UBE2E2: variants seen among roughly 807,000 people sequenced by gnomAD.
The protein encoded by UBE2E2 is ubiquitin conjugating enzyme E2 E2, also known as ubiquitin-conjugating enzyme E2 E2.
UBE2E2 carries 6 observed loss-of-function variants against 24.7 expected under a neutral mutation model. The ratio of observed to expected loss-of-function variants is 0.24; its 90% CI spans 0.13 to 0.48. The LOEUF (loss-of-function observed/expected upper bound fraction) is 0.48. UBE2E2 is among the 20% of genes least tolerant of loss of function. UBE2E2 has a pLI of 0.99. For missense variants in UBE2E2, 169 were observed against 245.0 expected, an observed-to-expected ratio of 0.69 and a Z score of 2.07; for synonymous variants, 104 against 83.6, an observed-to-expected ratio of 1.24 and a Z score of -1.33.
At chr3:23,287,294 C>A (rs886249215) in intron 3 of UBE2E2, among the ~76,000 whole-genome samples, 1 of 152,074 alleles carries the variant, frequency 6.6e-6, no homozygotes, top group African/African-American at 2.4e-5. Context: ...ATAAAATGAT[C>A]TTTTAAAATG....
At chr3:23,401,688 A>G (rs917200110) in intron 3 of UBE2E2, among the ~76,000 whole-genome samples, 2 of 151,810 alleles carry the variant, frequency 1.3e-5, no homozygotes, top group Non-Finnish European at 2.9e-5. Context: ...ATATGTATAA[A>G]TATATATTTT....
At chr3:23,484,892 G>A (rs1281435812) in intron 3 of UBE2E2, among the ~76,000 whole-genome samples, 1 of 152,088 alleles carries the variant, frequency 6.6e-6, no homozygotes, top group Non-Finnish European at 1.5e-5. Flanking sequence ...ACCTTCCACT[G>A]GGTCCCTCCA....
chr3:23,502,047 T>G (rs1163172141), intron 4 of UBE2E2, among the ~76,000 whole-genome samples: 4 of 152,182 alleles, frequency 2.6e-5, no homozygotes, highest in Non-Finnish European at 4.4e-5. Context: ...TAGATAGATG[T>G]GTTACTCGAG....
chr3:23,203,676 C>T (rs1052865539), intron 1 of UBE2E2, among the ~76,000 whole-genome samples: 5 of 135,306 alleles, frequency 3.7e-5, no homozygotes, highest in Non-Finnish European at 6.4e-5. Context: ...TCTACCCCTC[C>T]CCCTTCTTCC....
chr3:23,204,640 T>TA, intron 1 of UBE2E2: 1 of 959,818 alleles, frequency 1.0e-6, no homozygotes, highest in Non-Finnish European at 1.2e-6. Flanking sequence ...GACGCTGAAA[T>TA]AGAGTGTTTT....
intron 3 of UBE2E2, among the ~76,000 whole-genome samples, chr3:23,458,391 CTGGTGG>C (rs781216109): frequency 0.037 from 4,515 of 122,474 alleles, 143 homozygotes; most frequent in East Asian, 0.16. Flanking sequence ...AGAGAGATCG[CTGGTGG>C]TGGTGGTGGT....
intron 3 of UBE2E2, among the ~76,000 whole-genome samples, chr3:23,408,830 G>A (rs1439619529): frequency 6.6e-6 from 1 of 152,090 alleles, no homozygotes; most frequent in African/African-American, 2.4e-5. Flanking sequence ...TCATTTGTCA[G>A]TTTTTGTTCT....
chr3:23,230,630 C>G (rs1055009848), intron 3 of UBE2E2, among the ~76,000 whole-genome samples: 2 of 151,782 alleles, frequency 1.3e-5, no homozygotes, highest in African/African-American at 4.8e-5. Context: ...ACTAAAAATA[C>G]AAAAAATTAG....
intron 3 of UBE2E2, among the ~76,000 whole-genome samples, chr3:23,219,716 T>C (rs1052462140): frequency 2.0e-5 from 3 of 152,206 alleles, no homozygotes; most frequent in African/African-American, 7.2e-5. Context: ...TTACCTCTCC[T>C]ATCACACATG....
intron 3 of UBE2E2, among the ~76,000 whole-genome samples, chr3:23,365,646 A>G (rs1399397509): frequency 6.6e-6 from 1 of 152,218 alleles, no homozygotes; most frequent in Non-Finnish European, 1.5e-5. Context: ...TTCCATGCCC[A>G]TAGATAGGAA....
intron 3 of UBE2E2, among the ~76,000 whole-genome samples, chr3:23,278,461 CT>C (rs1272483799): frequency 6.6e-6 from 1 of 152,038 alleles, no homozygotes; most frequent in Admixed American, 6.6e-5. Context: ...AATTAGATAA[CT>C]TTCTTTAAAC....
At chr3:23,564,085 A>G (rs143918328) in intron 5 of UBE2E2, among the ~76,000 whole-genome samples, 6 of 152,214 alleles carry the variant, frequency 3.9e-5, no homozygotes, top group Non-Finnish European at 7.4e-5. Context: ...TGTGTGAAGA[A>G]TGGTTATTTA....
At chr3:23,544,064 A>T (rs934803020) in intron 5 of UBE2E2, among the ~76,000 whole-genome samples, 2 of 152,236 alleles carry the variant, frequency 1.3e-5, no homozygotes, top group Non-Finnish European at 2.9e-5. Context: ...AAATCAACTT[A>T]AGATGGATTA....
At chr3:23,417,850 A>T (rs942352855) in intron 3 of UBE2E2, among the ~76,000 whole-genome samples, 7 of 152,150 alleles carry the variant, frequency 4.6e-5, no homozygotes, top group Non-Finnish European at 7.4e-5. Flanking sequence ...GATTTTGTTT[A>T]CACTGTGAGG....
intron 3 of UBE2E2, among the ~76,000 whole-genome samples, chr3:23,498,431 T>A (rs999232375): frequency 6.6e-6 from 1 of 152,170 alleles, no homozygotes; most frequent in East Asian, 1.9e-4. Flanking sequence ...TCCGAAAAAA[T>A]TTTAAAATCA....
chr3:23,269,575 A>G (rs1454575896), intron 3 of UBE2E2, among the ~76,000 whole-genome samples: 1 of 152,182 alleles, frequency 6.6e-6, no homozygotes. Context: ...GGTAGGAGAA[A>G]GGGAGCAGAG....
chr3:23,589,905 C>A lies in UBE2E2; in HGVS notation c.*74C>A. The A allele has an allele frequency of 7.2e-7, 1 of 1,393,912 alleles. No individual in the cohort carries two copies. Among genetic ancestry groups the A allele is most frequent in the Non-Finnish European group, 1.0e-6 (1 of 994,532 alleles). The allele number at this position is 1,393,912 out of a possible 1,614,324, so 86.3% of individuals were successfully genotyped here. A position where few individuals can be genotyped will look rare whatever the true frequency, so the allele number is the denominator to read the frequency against. On this transcript the variant is annotated 3_prime_UTR_variant, in exon 6 of 6. Transcript: ENST00000396703. The surrounding 1 kb of genome is among the most constrained non-coding windows in gnomAD (Gnocchi z 4.1). ...AGTGCATCGGTAGCCCTGCCCACCC[C>A]TCCAGACCTCGGTTCTTATTTTCCT...
intron 3 of UBE2E2, among the ~76,000 whole-genome samples, chr3:23,437,442 AG>A (rs1232074717): frequency 3.3e-5 from 5 of 152,346 alleles, no homozygotes; most frequent in Middle Eastern, 3.4e-3. Flanking sequence ...TTAATAGATT[AG>A]GTTTTTGTGA....
Position 23,589,106 on chromosome 3 carries a change from C to T in UBE2E2, c.509-628C>T, listed in dbSNP as rs1696698518. On this transcript the variant is annotated intron_variant, in intron 5 of 5. Transcript: ENST00000396703. This position sits in a 1 kb window ranked among gnomAD's most constrained non-coding sequence, Gnocchi z 4.1. ...GCCCATGAGTCCCCTGCCCACAGCCCACCTGCATTTTCTCCGTGAAATATC... is the reference window on the plus strand; with the variant it reads ...GCCCATGAGTCCCCTGCCCACAGCCTACCTGCATTTTCTCCGTGAAATATC... 6.6e-6 allele frequency among the ~76,000 whole-genome samples: 1 copy of T among 152,032 alleles called. No individual in the cohort carries two copies. The highest frequency in any genetic ancestry group is 2.4e-5 in the African/African-American group (1 of 41,380).
Sources: allele counts gnomAD v4.1 joint callset (sites outside exome capture counted in the v4.1 genomes callset), GRCh38; gene constraint gnomAD v4.1.1; non-coding constraint Gnocchi (gnomAD v3.1); transcripts MANE v1.5; gene names NCBI Gene and HGNC (gene_info 2026-07-23, HGNC 2026-07-21).